Variants in ARMH3 observed in about 807,000 individuals in gnomAD.
ARMH3 encodes armadillo like helical domain containing 3.
Under a neutral mutation model 99.1 loss-of-function variants are expected in ARMH3, and 60 were observed. That is an observed-to-expected ratio of 0.61 (90% CI 0.49 to 0.75). The LOEUF is 0.75. Ranked by LOEUF, ARMH3 falls within the 30% of genes least tolerant of loss-of-function variation. ARMH3 has a pLI of 0.00. For missense variants in ARMH3, 679 were observed against 843.1 expected (o/e 0.81, Z 2.41); for synonymous variants, 285 against 292.8 (o/e 0.97, Z 0.27).
At chr10:101,955,943 G>A (rs1364232167) in intron 22 of ARMH3, among the ~76,000 whole-genome samples, 5 of 152,244 alleles carry the variant, frequency 3.3e-5, no homozygotes, top group South Asian at 4.1e-4. Flanking sequence ...ATAAATTTGC[G>A]CTTTAAAAAT....
intron 19 of ARMH3, among the ~76,000 whole-genome samples, chr10:101,986,164 T>C (rs962689595): frequency 2.0e-5 from 3 of 152,196 alleles, no homozygotes; most frequent in African/African-American, 4.8e-5. Flanking sequence ...CAACACAAAA[T>C]GAGTTCCACT....
intron 20 of ARMH3, among the ~76,000 whole-genome samples, chr10:101,964,137 A>T (rs1207547127): frequency 6.6e-6 from 1 of 152,042 alleles, no homozygotes. Context: ...CGGCCTCCCA[A>T]AGTGCTGGGA....
rs568840022 is a variant in ARMH3, at chr10:102,032,547, C to T, written c.306+479G>A. ...TCCTGAGTAGATGGGATTACAGGTG[C>T]CCACCACCATGCCCGGCTAATTTTT... On this transcript the variant is annotated intron_variant, in intron 4 of 25. Coordinates refer to ENST00000370033, the MANE Select transcript of ARMH3 (RefSeq NM_024541.3). 2.0e-5 allele frequency among the ~76,000 whole-genome samples: 3 copies of T among 152,140 alleles called. No individual in the cohort carries two copies. The South Asian group carries it at 6.2e-4, about 32-fold the overall frequency.
intron 22 of ARMH3, among the ~76,000 whole-genome samples, chr10:101,953,394 G>C (rs1020615890): frequency 6.6e-6 from 1 of 152,120 alleles, no homozygotes; most frequent in African/African-American, 2.4e-5. Flanking sequence ...CCAAAGTGCT[G>C]GGACTACAGG....
intron 23 of ARMH3, among the ~76,000 whole-genome samples, chr10:101,928,346 A>C (rs905776536): frequency 3.3e-5 from 5 of 152,194 alleles, no homozygotes; most frequent in Non-Finnish European, 5.9e-5. Flanking sequence ...CACTAAAGAG[A>C]TCTTTTTCAT....
intron 24 of ARMH3, among the ~76,000 whole-genome samples, chr10:101,884,543 C>T (rs558449801): frequency 3.9e-5 from 6 of 152,102 alleles, no homozygotes; most frequent in Non-Finnish European, 4.4e-5. Flanking sequence ...GTATCTTCTC[C>T]GTAATCTTTA....
At chr10:101,992,128 T>G in intron 17 of ARMH3, 90 bp from the exon 18 acceptor site, 1 of 1,078,482 alleles carries the variant, frequency 9.3e-7, no homozygotes, top group Non-Finnish European at 1.4e-6. Flanking sequence ...GCAAATAAAA[T>G]CACTATTACA....
chr10:101,883,303 G>C (rs1336519885), intron 24 of ARMH3, among the ~76,000 whole-genome samples: 1 of 152,034 alleles, frequency 6.6e-6, no homozygotes, highest in Non-Finnish European at 1.5e-5. Flanking sequence ...TGTAGTCTTA[G>C]CTACTCAGGA....
intron 1 of ARMH3, among the ~76,000 whole-genome samples, chr10:102,043,682 C>T (rs1309592767): frequency 1.3e-5 from 2 of 152,200 alleles, no homozygotes; most frequent in African/African-American, 2.4e-5. Flanking sequence ...GCACAGTAAT[C>T]CCACAGAAAT....
intron 8 of ARMH3, among the ~76,000 whole-genome samples, chr10:102,020,075 A>G (rs2066845861): frequency 6.6e-6 from 1 of 151,838 alleles, no homozygotes; most frequent in South Asian, 2.1e-4. Context: ...CACAAAATAT[A>G]GTACAATGTG....
chr10:102,019,970 T>C (rs1188114541), intron 8 of ARMH3, among the ~76,000 whole-genome samples: 1 of 151,838 alleles, frequency 6.6e-6, no homozygotes, highest in Non-Finnish European at 1.5e-5. Context: ...TATATTCTTT[T>C]TATTCTTTAG....
At chr10:102,043,671 G>A (rs550213725) in intron 1 of ARMH3, among the ~76,000 whole-genome samples, 1 of 152,274 alleles carries the variant, frequency 6.6e-6, no homozygotes, top group African/African-American at 2.4e-5. Flanking sequence ...ATACAGCAAA[G>A]GCACAGTAAT....
At chr10:102,039,272 A>G (rs1168962460) in intron 2 of ARMH3, among the ~76,000 whole-genome samples, 1 of 151,906 alleles carries the variant, frequency 6.6e-6, no homozygotes, top group Non-Finnish European at 1.5e-5. Context: ...AGCCTCCCGA[A>G]TAGCTGAGAT....
intron 20 of ARMH3, among the ~76,000 whole-genome samples, chr10:101,959,851 C>G (rs1845200262): frequency 6.6e-6 from 1 of 152,206 alleles, no homozygotes. Flanking sequence ...TCTGCTCCCC[C>G]AAGAACCAAG....
intron 17 of ARMH3, 79 bp from the exon 18 acceptor site, chr10:101,992,117 T>C: frequency 8.3e-7 from 1 of 1,201,302 alleles, no homozygotes; most frequent in Non-Finnish European, 1.2e-6. Context: ...ATGTTCCTTG[T>C]GCAAATAAAA....
At chr10:102,042,087 T>C (rs892445391) in intron 1 of ARMH3, among the ~76,000 whole-genome samples, 3 of 152,236 alleles carry the variant, frequency 2.0e-5, no homozygotes, top group African/African-American at 4.8e-5. Flanking sequence ...TTACATTGTA[T>C]TGATCATGGC....
intron 19 of ARMH3, among the ~76,000 whole-genome samples, chr10:101,988,922 CAAAAAAAA>C (rs35605193): frequency 3.5e-5 from 2 of 56,582 alleles, no homozygotes; most frequent in African/African-American, 1.5e-4. Context: ...GACTCTGTCT[CAAAAAAAA>C]AAAAAAAAAA....
At chr10:102,019,399 A>T (rs944378636) in intron 8 of ARMH3, among the ~76,000 whole-genome samples, 11 of 145,232 alleles carry the variant, frequency 7.6e-5, no homozygotes, top group Non-Finnish European at 1.1e-4. Context: ...CTACTTATTT[A>T]AAAAAAAAAA....
At chr10:101,880,872 G>A (rs1447318787) in intron 24 of ARMH3, among the ~76,000 whole-genome samples, 1 of 152,220 alleles carries the variant, frequency 6.6e-6, no homozygotes, top group South Asian at 2.1e-4. Context: ...CCTCTTATGA[G>A]TGCTTCGATC....
Sources: gnomAD v4.1 joint callset for allele counts (sites outside exome capture counted in the v4.1 genomes callset) on GRCh38, gnomAD v4.1.1 for gene constraint, MANE v1.5 for transcripts, NCBI Gene and HGNC (gene_info 2026-07-23, HGNC 2026-07-21) for gene names.